DIAPH2: variants seen among roughly 807,000 people sequenced by gnomAD.
DIAPH2 encodes the protein protein diaphanous homolog 2.
DIAPH2 carries 35 observed loss-of-function variants against 92.7 expected under a neutral mutation model. That is an observed-to-expected ratio of 0.38 (90% CI 0.29 to 0.50). The LOEUF (loss-of-function observed/expected upper bound fraction) is 0.50. Among genes scored for constraint, DIAPH2 ranks in the 20% least tolerant of loss-of-function variants. DIAPH2 has a pLI of 0.94. For missense variants in DIAPH2, 701 were observed against 819.5 expected (o/e 0.86, Z 1.77); for synonymous variants, 301 against 280.4 (o/e 1.07, Z -0.73).
chrX:96,826,011 C>T (rs1001752110), intron 4 of DIAPH2, among the ~76,000 whole-genome samples: 12 of 112,052 alleles, frequency 1.1e-4, no homozygotes, highest in African/African-American at 3.9e-4. Context: ...AAATAAAACA[C>T]TCCTAGAAAG....
chrX:96,900,863 G>A (rs771478039), intron 5 of DIAPH2, among the ~76,000 whole-genome samples: 2 of 112,037 alleles, frequency 1.8e-5, no homozygotes, highest in African/African-American at 6.5e-5. Flanking sequence ...GATTCAGTTA[G>A]CTAGTATTTT....
intron 22 of DIAPH2, among the ~76,000 whole-genome samples, chrX:97,146,007 C>CTTTTTTTTTTTTTTT (rs372292277): frequency 4.6e-5 from 2 of 43,169 alleles, no homozygotes; most frequent in African/African-American, 8.0e-5. Context: ...TTTCTTCTTC[C>CTTTTTTTTTTTTTTT]TTTTTTTTTT....
rs777065565 is a variant in DIAPH2 at position 96,916,053 on chromosome X, G to A, written c.733-385G>A. On this transcript the variant is annotated intron_variant, in intron 7 of 26. Transcript: ENST00000324765. ...CCTTAATTTTTCATACAAACATATT[G>A]GACAATTTAACCACGAATTCCAGAC... Among the ~76,000 whole-genome samples, 118 of 111,433 alleles carry A rather than the reference G, an allele frequency of 1.1e-3. 1 individual carries two copies. Among genetic ancestry groups the A allele is most frequent in the African/African-American group, 3.8e-3 (116 of 30,844 alleles).
chrX:96,866,138 C>T (rs968862077), intron 4 of DIAPH2, among the ~76,000 whole-genome samples: 5 of 111,341 alleles, frequency 4.5e-5, no homozygotes, highest in African/African-American at 9.8e-5. Flanking sequence ...TGTGACTAGA[C>T]GTGCTTTTAG....
intron 26 of DIAPH2, among the ~76,000 whole-genome samples, chrX:97,568,115 C>CAA (rs59273565): frequency 0.012 from 363 of 29,970 alleles, 25 homozygotes; most frequent in South Asian, 0.018. Context: ...GACTCCATCT[C>CAA]AAAAAAAAAA....
chrX:97,320,593 C>T (rs1202371260), intron 23 of DIAPH2, among the ~76,000 whole-genome samples: 1 of 109,113 alleles, frequency 9.2e-6, no homozygotes, highest in East Asian at 2.9e-4. Context: ...CGGGCGCCTG[C>T]AGTCCCGGCT....
rs780429454 is a variant in DIAPH2, at chrX:97,228,082, A to G, written c.2720-19633A>G. On this transcript the variant is annotated intron_variant, in intron 22 of 26. Coordinates refer to ENST00000324765, the MANE Select transcript of DIAPH2 (RefSeq NM_006729.5). ...TGCTATGCTAATTTTTAAATTTTTCATAGAGCCGAGCTCTCACTATATTGG... is the reference window on the plus strand; with the variant it reads ...TGCTATGCTAATTTTTAAATTTTTCGTAGAGCCGAGCTCTCACTATATTGG... Among the ~76,000 whole-genome samples the G allele has an allele frequency of 1.1e-4, 12 of 110,714 alleles. No individual in the cohort carries two copies. In the South Asian group the frequency reaches 2.0e-3, roughly 18 times the overall value.
intron 23 of DIAPH2, among the ~76,000 whole-genome samples, chrX:97,268,114 T>G (rs1225499442): frequency 8.9e-6 from 1 of 112,157 alleles, no homozygotes; most frequent in Non-Finnish European, 1.9e-5. Context: ...GCAGAAAATA[T>G]GCAAGATCTG....
chrX:97,485,458 C>G (rs1200121662), intron 26 of DIAPH2, among the ~76,000 whole-genome samples: 1 of 112,181 alleles, frequency 8.9e-6, no homozygotes, highest in Non-Finnish European at 1.9e-5. Flanking sequence ...GCTATACAAA[C>G]AAATGGTGTT....
chrX:97,313,102 G>A (rs978620262), intron 23 of DIAPH2, among the ~76,000 whole-genome samples: 9 of 110,823 alleles, frequency 8.1e-5, no homozygotes, highest in Non-Finnish European at 1.5e-4. Flanking sequence ...GGAGAATGGC[G>A]TGAACCCGGG....
chrX:96,945,386 T>C, intron 13 of DIAPH2, 141 bp from the exon 14 acceptor site: 1 of 394,381 alleles, frequency 2.5e-6, no homozygotes, highest in Non-Finnish European at 4.4e-6. Context: ...TTATGTTTTA[T>C]GTATAGTATA....
chrX:96,700,205 C>T (rs781091710), intron 1 of DIAPH2, among the ~76,000 whole-genome samples: 27 of 111,538 alleles, frequency 2.4e-4, no homozygotes, highest in African/African-American at 7.5e-4. Flanking sequence ...GATGTGGTTT[C>T]GCCATGTTGC....
chrX:97,325,820 A>G (rs2068946488), intron 23 of DIAPH2, among the ~76,000 whole-genome samples: 1 of 111,402 alleles, frequency 9.0e-6, no homozygotes, highest in Non-Finnish European at 1.9e-5. Flanking sequence ...CTCGTGATTC[A>G]CCTGCCTTGG....
At chrX:96,962,496 C>CATATAT (rs761811314) in intron 16 of DIAPH2, among the ~76,000 whole-genome samples, 19 of 44,747 alleles carry the variant, frequency 4.2e-4, no homozygotes, top group African/African-American at 6.2e-4. Context: ...CACACACACA[C>CATATAT]ATATATATAT....
intron 25 of DIAPH2, among the ~76,000 whole-genome samples, chrX:97,424,473 G>GA (rs201347338): frequency 0.011 from 1,229 of 111,469 alleles, 9 homozygotes; most frequent in Middle Eastern, 0.028. Flanking sequence ...GGGGTCATTA[G>GA]AAAAAATATC....
At chrX:97,258,880 A>C (rs1395093471) in intron 23 of DIAPH2, among the ~76,000 whole-genome samples, 2 of 104,633 alleles carry the variant, frequency 1.9e-5, no homozygotes, top group Non-Finnish European at 3.9e-5. Context: ...CAAAAAAAAA[A>C]AAAAAAAAAA....
chrX:97,578,328 A>T (rs1251398294), intron 26 of DIAPH2, among the ~76,000 whole-genome samples: 1 of 87,470 alleles, frequency 1.1e-5, no homozygotes, highest in Admixed American at 1.3e-4. Flanking sequence ...CGCTCCCCCC[A>T]CCCCACAACA....
intron 4 of DIAPH2, among the ~76,000 whole-genome samples, chrX:96,877,681 C>T (rs1188640344): frequency 8.9e-6 from 1 of 112,213 alleles, no homozygotes; most frequent in East Asian, 2.8e-4. Flanking sequence ...ATCTCCACTG[C>T]AAACTAGAAG....
intron 22 of DIAPH2, among the ~76,000 whole-genome samples, chrX:97,206,015 G>A (rs1247577424): frequency 9.0e-6 from 1 of 111,481 alleles, no homozygotes; most frequent in East Asian, 2.8e-4. Context: ...GGACATGAAT[G>A]AAGCTGTAAG....
Sources: allele counts gnomAD v4.1 joint callset (sites outside exome capture counted in the v4.1 genomes callset), GRCh38; gene constraint gnomAD v4.1.1; transcripts MANE v1.5; gene names NCBI Gene and HGNC (gene_info 2026-07-23, HGNC 2026-07-21).